ELAPOR2: variants seen among roughly 807,000 people sequenced by gnomAD.
The protein encoded by ELAPOR2 is endosome/lysosome-associated apoptosis and autophagy regulator family member 2.
In ELAPOR2, 89 loss-of-function variants were observed where a neutral mutation model predicts 120.7. The observed-to-expected ratio is 0.74, with a 90% CI of 0.62 to 0.88. The LOEUF is 0.88. ELAPOR2 is among the 40% of genes least tolerant of loss of function. ELAPOR2 has a pLI of 0.00. For missense variants in ELAPOR2, 1,134 were observed against 1,251.6 expected (o/e 0.91, Z 1.42); for synonymous variants, 444 against 444.9 (o/e 1.00, Z 0.03).
At position 86,924,782 on chromosome 7, in the gene ELAPOR2, T is replaced by C. The variant is rs144438420; in HGVS notation, c.1399+746A>G. On this transcript the variant is annotated intron_variant, in intron 10 of 21. Coordinates refer to ENST00000450689, the MANE Select transcript of ELAPOR2 (RefSeq NM_001142749.3). ...AATAGATATTGATTTAAAACGTATG[T>C]GTTAAAAAGCACACACATACGTGTT... 6.2e-3 allele frequency among the ~76,000 whole-genome samples: 949 copies of C among 152,086 alleles called. 9 individuals are homozygous for C. Among genetic ancestry groups the C allele is most frequent in the African/African-American group, 0.021 (865 of 41,522 alleles).
intron 1 of ELAPOR2, among the ~76,000 whole-genome samples, chr7:86,975,155 C>T (rs1177330254): frequency 6.6e-6 from 1 of 152,196 alleles, no homozygotes; most frequent in Non-Finnish European, 1.5e-5. Flanking sequence ...GAAGGGATAA[C>T]TCCACATCTG....
intron 8 of ELAPOR2, among the ~76,000 whole-genome samples, chr7:86,936,257 A>T (rs1790556052): frequency 1.3e-5 from 2 of 152,038 alleles, no homozygotes; most frequent in African/African-American, 2.4e-5. Flanking sequence ...CCCAGGCTGG[A>T]GTACAGTGGC....
intron 1 of ELAPOR2, among the ~76,000 whole-genome samples, chr7:87,043,414 T>A (rs893938988): frequency 1.3e-5 from 2 of 151,542 alleles, no homozygotes; most frequent in Non-Finnish European, 2.9e-5. Flanking sequence ...TTATCCACCA[T>A]GATCAAGTGG....
At chr7:86,883,023 G>GGTGTGTGTGTGTGTGTGTGTGTGTGT (rs55859925) in intron 21 of ELAPOR2, among the ~76,000 whole-genome samples, 1 of 141,452 alleles carries the variant, frequency 7.1e-6, no homozygotes, top group Non-Finnish European at 1.5e-5. Context: ...GTTTGAAAGG[G>GGTGTGTGTGTGTGTGTGTGTGTGTGT]GTGTGTGTGT....
intron 8 of ELAPOR2, among the ~76,000 whole-genome samples, chr7:86,929,434 T>C (rs1157397513): frequency 6.6e-6 from 1 of 151,952 alleles, no homozygotes; most frequent in African/African-American, 2.4e-5. Flanking sequence ...GCAGGCAATT[T>C]CTTATCTCCC....
chr7:87,049,638 G>T (rs559211405), intron 1 of ELAPOR2, among the ~76,000 whole-genome samples: 1 of 152,272 alleles, frequency 6.6e-6, no homozygotes, highest in African/African-American at 2.4e-5. Context: ...GTAGAAACCT[G>T]AAGTGCATGA....
chr7:86,948,567 C>T (rs1054887533), intron 2 of ELAPOR2, among the ~76,000 whole-genome samples: 1 of 152,032 alleles, frequency 6.6e-6, no homozygotes, highest in African/African-American at 2.4e-5. Context: ...AATAGTTGAA[C>T]AGGTTATCTC....
intron 2 of ELAPOR2, among the ~76,000 whole-genome samples, chr7:86,955,972 A>C (rs1791454301): frequency 6.6e-6 from 1 of 151,604 alleles, no homozygotes; most frequent in South Asian, 2.1e-4. Context: ...AAAAAAAGGA[A>C]AAGAAAAGAA....
At chr7:86,953,484 C>G (rs995788714) in intron 2 of ELAPOR2, among the ~76,000 whole-genome samples, 7 of 152,186 alleles carry the variant, frequency 4.6e-5, no homozygotes, top group Non-Finnish European at 1.0e-4. Context: ...CTCATCCACT[C>G]TCTATGTCAA....
At chr7:86,988,889 A>G (rs1792847339) in intron 1 of ELAPOR2, among the ~76,000 whole-genome samples, 1 of 152,202 alleles carries the variant, frequency 6.6e-6, no homozygotes, top group African/African-American at 2.4e-5. Flanking sequence ...ACAAAAATAT[A>G]TCCCACTCAT....
chr7:86,898,922 A>G (rs1375383635), intron 18 of ELAPOR2, among the ~76,000 whole-genome samples: 1 of 152,198 alleles, frequency 6.6e-6, no homozygotes, highest in Non-Finnish European at 1.5e-5. Context: ...GAAAGACATC[A>G]TCACAAAATT....
chr7:86,993,306 G>T (rs1039570456), intron 1 of ELAPOR2, among the ~76,000 whole-genome samples: 1 of 151,066 alleles, frequency 6.6e-6, no homozygotes, highest in Non-Finnish European at 1.5e-5. Context: ...AAAATGAAGT[G>T]ACTGGAACCC....
At chr7:86,955,833 A>T (rs1300944381) in intron 2 of ELAPOR2, among the ~76,000 whole-genome samples, 4 of 152,058 alleles carry the variant, frequency 2.6e-5, no homozygotes, top group Non-Finnish European at 5.9e-5. Flanking sequence ...AACAGACTCC[A>T]TGACTCTCTA....
chr7:86,908,406 T>C (rs1366361721), intron 17 of ELAPOR2, 41 bp downstream of exon 17: 1 of 1,080,382 alleles, frequency 9.3e-7, no homozygotes, highest in Middle Eastern at 2.0e-4. Context: ...TAAGTTTCTT[T>C]TGGTTAAAAT....
chr7:86,976,412 C>T lies in ELAPOR2; in HGVS notation c.190-11388G>A, dbSNP rs573343797. On this transcript the variant is annotated intron_variant, in intron 1 of 21. Transcript: ENST00000450689. ...CTGGTTCAGTCTATGAAGTAACAGT[C>T]CCAGGCTCACCTTCAAACTGTGCAA... 3.9e-5 allele frequency among the ~76,000 whole-genome samples: 6 copies of T among 152,264 alleles called. No individual in the cohort carries two copies. The South Asian group carries it at 8.3e-4, about 21-fold the overall frequency.
chr7:87,047,947 T>C (rs1165917297), intron 1 of ELAPOR2, among the ~76,000 whole-genome samples: 1 of 152,086 alleles, frequency 6.6e-6, no homozygotes, highest in Non-Finnish European at 1.5e-5. Context: ...AATGAATGGA[T>C]AAAGAAAATG....
chr7:87,015,523 C>CA (rs1793837831), intron 1 of ELAPOR2, among the ~76,000 whole-genome samples: 1 of 152,144 alleles, frequency 6.6e-6, no homozygotes, highest in Admixed American at 6.6e-5. Context: ...CATGGTGGTT[C>CA]ACAGCTGTAA....
At position 86,988,938 on chromosome 7, in the gene ELAPOR2, G is replaced by A. The variant is rs571237412; in HGVS notation, c.190-23914C>T. Among the ~76,000 whole-genome samples the A allele has an allele frequency of 5.9e-5, 9 of 152,262 alleles. No homozygotes were observed. In the South Asian group the frequency reaches 1.7e-3, roughly 28 times the overall value. On this transcript the variant is annotated intron_variant, in intron 1 of 21. Coordinates refer to ENST00000450689, the MANE Select transcript of ELAPOR2 (RefSeq NM_001142749.3). ...TATCTCAAAGTTTAAAAAAGACAAA[G>A]TGAAAGCCTAATGAGTAAATTTACT...
At chr7:87,059,112 G>C (rs1165404965) in intron 1 of ELAPOR2, among the ~76,000 whole-genome samples, 1 of 151,954 alleles carries the variant, frequency 6.6e-6, no homozygotes, top group Non-Finnish European at 1.5e-5. Context: ...AGCGCGGACA[G>C]AAAAGCATCC....
Sources: allele counts gnomAD v4.1 joint callset (sites outside exome capture counted in the v4.1 genomes callset), GRCh38; gene constraint gnomAD v4.1.1; transcripts MANE v1.5; gene names NCBI Gene and HGNC (gene_info 2026-07-23, HGNC 2026-07-21).